The following CENPP variants were observed in gnomAD, a reference collection of about 807,000 sequenced individuals.
CENPP encodes the protein centromere protein P.
A neutral mutation model predicts 35.6 loss-of-function variants in CENPP; 24 were observed. The observed-to-expected ratio is 0.67, with a 90% CI of 0.49 to 0.95. The LOEUF (loss-of-function observed/expected upper bound fraction) is 0.95, where lower values mean the gene tolerates loss of function less well. Ranked by LOEUF, CENPP falls within the 40% of genes least tolerant of loss-of-function variation. The pLI is 0.00. For missense variants in CENPP, 332 were observed against 345.3 expected, an observed-to-expected ratio of 0.96 and a Z score of 0.31; for synonymous variants, 120 against 125.5, an observed-to-expected ratio of 0.96 and a Z score of 0.29.
At chr9:92,575,881 T>G (rs995387831) in intron 5 of CENPP, among the ~76,000 whole-genome samples, 2 of 151,840 alleles carry the variant, frequency 1.3e-5, no homozygotes, top group African/African-American at 4.8e-5. Flanking sequence ...GTAGAAAAAT[T>G]AGAACCGTTG....
At chr9:92,485,500 T>A (rs1306072328) in intron 5 of CENPP, among the ~76,000 whole-genome samples, 1 of 152,232 alleles carries the variant, frequency 6.6e-6, no homozygotes, top group Non-Finnish European at 1.5e-5. Flanking sequence ...CAAATTTATT[T>A]TCCTTTGGCC....
chr9:92,439,892 G>A (rs1844343558), intron 5 of CENPP, among the ~76,000 whole-genome samples: 1 of 152,168 alleles, frequency 6.6e-6, no homozygotes. Context: ...CTAGGAACCA[G>A]AATTTCTGTT....
At chr9:92,466,589 A>G (rs371856281) in intron 5 of CENPP, 97 of 1,594,990 alleles carry the variant, frequency 6.1e-5, no homozygotes, top group Non-Finnish European at 7.7e-5. Flanking sequence ...AAGCATAGAA[A>G]GTTACACAAT....
chr9:92,381,897 CTT>C lies in CENPP; in HGVS notation c.564+2053_564+2054del, dbSNP rs79507211. On this transcript the variant is annotated intron_variant, in intron 5 of 7. Transcript: ENST00000375587. Reference sequence around the variant, plus strand: ...CTACTTTAATACTTGTTATTTTCTGCTTTTTTTTTTTTTTTTGGCTATAGCCA... The same window carrying C: ...CTACTTTAATACTTGTTATTTTCTGCTTTTTTTTTTTTTTGGCTATAGCCA... Among the ~76,000 whole-genome samples, 194 of 133,666 alleles carry C rather than the reference CTT, an allele frequency of 1.5e-3. 1 individual carries two copies. The highest frequency in any genetic ancestry group is 3.8e-3 in the Middle Eastern group (1 of 266). 87.7% of individuals were successfully genotyped at this position (133,666 alleles called of 152,430 possible).
intron 5 of CENPP, among the ~76,000 whole-genome samples, chr9:92,598,943 A>G (rs1020551884): frequency 6.6e-6 from 1 of 152,006 alleles, no homozygotes; most frequent in East Asian, 1.9e-4. Flanking sequence ...CCCCATCTCT[A>G]CTAAAAATTA....
chr9:92,524,037 C>G (rs1263747302), intron 5 of CENPP, among the ~76,000 whole-genome samples: 1 of 152,160 alleles, frequency 6.6e-6, no homozygotes, highest in Non-Finnish European at 1.5e-5. Flanking sequence ...GACATGGCCC[C>G]CTCTCTGGGC....
intron 4 of CENPP, among the ~76,000 whole-genome samples, chr9:92,364,361 G>C (rs1333429553): frequency 1.3e-5 from 2 of 152,008 alleles, no homozygotes; most frequent in African/African-American, 4.8e-5. Flanking sequence ...GGAATTTTTA[G>C]CTTTTTCTAT....
chr9:92,495,856 A>C (rs567835252), intron 5 of CENPP: 2 of 975,910 alleles, frequency 2.0e-6, no homozygotes, highest in South Asian at 9.5e-5. Context: ...GAAATTAACA[A>C]ATTATTGTTT....
chr9:92,498,822 C>T (rs331379), intron 5 of CENPP, among the ~76,000 whole-genome samples: 49,742 of 151,990 alleles, frequency 0.33, 10,131 homozygotes, highest in Non-Finnish European at 0.46. Context: ...TGTTGGGAAC[C>T]TAGATTTTCA....
intron 5 of CENPP, among the ~76,000 whole-genome samples, chr9:92,577,896 CCACT>C (rs1440530425): frequency 2.7e-5 from 4 of 150,484 alleles, no homozygotes; most frequent in Non-Finnish European, 5.9e-5. Context: ...TGCACTGCAC[CCACT>C]AACTCATCAT....
intron 5 of CENPP, among the ~76,000 whole-genome samples, chr9:92,603,475 G>A (rs1053710048): frequency 6.6e-6 from 1 of 152,086 alleles, no homozygotes; most frequent in Non-Finnish European, 1.5e-5. Flanking sequence ...GAGAGCAGGG[G>A]TGTGGTGGTA....
chr9:92,474,638 T>C, intron 5 of CENPP: 9 of 1,612,474 alleles, frequency 5.6e-6, no homozygotes, highest in Non-Finnish European at 5.1e-6. Flanking sequence ...ATCTGAGCAA[T>C]GTACAACTCG....
chr9:92,412,518 AT>A (rs1843472534), intron 5 of CENPP, among the ~76,000 whole-genome samples: 1 of 152,166 alleles, frequency 6.6e-6, no homozygotes, highest in African/African-American at 2.4e-5. Flanking sequence ...CACTTTCCCC[AT>A]TCCCATGATC....
intron 7 of CENPP, 74 bp from the exon 8 acceptor site, chr9:92,612,945 C>T (rs1851310939): frequency 1.3e-6 from 2 of 1,574,896 alleles, no homozygotes; most frequent in African/African-American, 2.7e-5. Flanking sequence ...TGGTGAGGTC[C>T]ATGCCAGCAG....
chr9:92,560,895 G>C (rs1413765084), intron 5 of CENPP, among the ~76,000 whole-genome samples: 1 of 121,520 alleles, frequency 8.2e-6, no homozygotes, highest in Admixed American at 8.7e-5. Context: ...TTTTTAAATT[G>C]GTTACCCAAT....
intron 5 of CENPP, among the ~76,000 whole-genome samples, chr9:92,506,594 G>T: frequency 6.6e-6 from 1 of 152,308 alleles, no homozygotes; most frequent in Non-Finnish European, 1.5e-5. Context: ...GTGGGACTCC[G>T]TTCTGCTCTT....
intron 4 of CENPP, among the ~76,000 whole-genome samples, chr9:92,370,229 T>C (rs745439532): frequency 5.9e-5 from 9 of 152,226 alleles, no homozygotes; most frequent in Non-Finnish European, 1.2e-4. Flanking sequence ...AGTTACTTTG[T>C]TGAAGATTTT....
At chr9:92,401,015 T>C (rs917262025) in intron 5 of CENPP, 2 of 712,362 alleles carry the variant, frequency 2.8e-6, no homozygotes, top group East Asian at 2.7e-5. Context: ...GAGTCAGTTT[T>C]TGATTACCAC....
chr9:92,378,238 A>G (rs769488825), intron 4 of CENPP, among the ~76,000 whole-genome samples: 1 of 152,174 alleles, frequency 6.6e-6, no homozygotes, highest in Non-Finnish European at 1.5e-5. Context: ...CTGTGGCTAA[A>G]GTGCCTGATT....
Sources: allele counts gnomAD v4.1 joint callset (sites outside exome capture counted in the v4.1 genomes callset), GRCh38; gene constraint gnomAD v4.1.1; transcripts MANE v1.5; gene names NCBI Gene and HGNC (gene_info 2026-07-23, HGNC 2026-07-21).